Variants in ABHD17C observed in about 807,000 individuals in gnomAD.
The protein encoded by ABHD17C is abhydrolase domain containing 17C, depalmitoylase.
A neutral mutation model predicts 27.9 loss-of-function variants in ABHD17C; 11 were observed. The observed-to-expected ratio is 0.39, with a 90% CI of 0.25 to 0.65. The LOEUF (loss-of-function observed/expected upper bound fraction) is 0.65. Ranked by LOEUF, ABHD17C falls within the 30% of genes least tolerant of loss-of-function variation. The pLI is 0.45. For synonymous variants in ABHD17C, 233 were observed against 209.1 expected, an observed-to-expected ratio of 1.11 and a Z score of -0.98; for missense variants, 280 against 470.2, an observed-to-expected ratio of 0.60 and a Z score of 3.74.
chr15:80,749,711 A>G lies in ABHD17C; in HGVS notation c.770+19A>G. ...TCCCCAGGTAAGTTCATGCTTGTCC[A>G]ACAAGTGGTAAGTCAGCCAATGACT... On this transcript the variant is annotated intron_variant, in intron 2 of 2. Coordinates refer to ENST00000258884, the MANE Select transcript of ABHD17C (RefSeq NM_021214.2). 1 of 1,609,036 alleles carries G rather than the reference A, an allele frequency of 6.2e-7. No homozygotes were observed. Among genetic ancestry groups the G allele is most frequent in the South Asian group, 1.1e-5 (1 of 90,872 alleles).
At chr15:80,724,059 T>C (rs1201128096) in intron 1 of ABHD17C, among the ~76,000 whole-genome samples, 2 of 151,942 alleles carry the variant, frequency 1.3e-5, no homozygotes, top group Non-Finnish European at 2.9e-5. Flanking sequence ...AAAAATTAGC[T>C]GGGTGTGGTG....
chr15:80,695,616 ACCG>A lies in ABHD17C; in HGVS notation c.201_203del (p.Ala69del), dbSNP rs963211896. The A allele has an allele frequency of 3.4e-4, 397 of 1,165,838 alleles. No individual in the cohort carries two copies. Among genetic ancestry groups the A allele is most frequent in the East Asian group, 1.1e-3 (28 of 25,460 alleles). The allele number at this position is 1,165,838 out of a possible 1,614,324, so 72.2% of individuals were successfully genotyped here. ...GTCCGCCCCGGCCCCGGCCCAGGCT[ACCG>A]CCGCCGCCGCCGCGGCCCAGCCGGC... On this transcript the variant is annotated inframe_deletion, in exon 1 of 3. Coordinates refer to ENST00000258884, the MANE Select transcript of ABHD17C (RefSeq NM_021214.2). This position sits in a 1 kb window ranked among gnomAD's most constrained non-coding sequence, Gnocchi z 4.3.
rs1894978114 is a variant in ABHD17C at position 80,726,501 on chromosome 15, G to GTTTGTTTTTTTTTTTT, written c.591-23009_591-23008insGTTTTTTTTTTTTTTT. ...CCTTGGTTAATTGCTTCTTTTTCTG[G>GTTTGTTTTTTTTTTTT]TTTTTTTTTTTTTTTTTTTTTTTTT... On this transcript the variant is annotated intron_variant, in intron 1 of 2. Transcript: ENST00000258884. 1.2e-4 allele frequency among the ~76,000 whole-genome samples: 11 copies of GTTTGTTTTTTTTTTTT among 94,508 alleles called. 1 individual carries two copies. Among genetic ancestry groups the GTTTGTTTTTTTTTTTT allele is most frequent in the African/African-American group, 5.4e-4 (10 of 18,676 alleles). The allele number at this position is 94,508 out of a possible 152,430, so 62.0% of individuals were successfully genotyped here.
chr15:80,705,736 G>A (rs765154668), intron 1 of ABHD17C, among the ~76,000 whole-genome samples: 4 of 152,190 alleles, frequency 2.6e-5, no homozygotes, highest in African/African-American at 7.2e-5. Flanking sequence ...AACGGTAAAG[G>A]TGTTTTAGTT....
At chr15:80,717,271 A>AAAC (rs10644616) in intron 1 of ABHD17C, among the ~76,000 whole-genome samples, 139,008 of 145,274 alleles carry the variant, frequency 0.96, 66,629 homozygotes, top group East Asian at 0.99. Flanking sequence ...AAAAAAAAAA[A>AAAC]GAGTTTTGGC....
intron 1 of ABHD17C, among the ~76,000 whole-genome samples, chr15:80,730,673 C>T (rs1895045696): frequency 6.6e-6 from 1 of 152,098 alleles, no homozygotes; most frequent in African/African-American, 2.4e-5. Context: ...AACGTTGACT[C>T]GCAGGACAAA....
intron 1 of ABHD17C, among the ~76,000 whole-genome samples, chr15:80,699,106 T>C (rs34994596): frequency 0.3 from 45,211 of 152,050 alleles, 7,033 homozygotes; most frequent in African/African-American, 0.38. Flanking sequence ...AGGAGACCCT[T>C]TGTGTTCCCT....
At position 80,746,093 on chromosome 15, in the gene ABHD17C, A is replaced by G. The variant is rs1895279430; in HGVS notation, c.591-3420A>G. On this transcript the variant is annotated intron_variant, in intron 1 of 2. Coordinates refer to ENST00000258884, the MANE Select transcript of ABHD17C (RefSeq NM_021214.2). ...GAGCATTCTTGTACACATCCTTGCC[A>G]ACACTTAATATTGTTAGGCTTTTGA... 2.0e-5 allele frequency among the ~76,000 whole-genome samples: 3 copies of G among 152,246 alleles called. No individual in the cohort carries two copies. The South Asian group carries it at 6.2e-4, about 31-fold the overall frequency.
chr15:80,738,842 T>C (rs1024036923), intron 1 of ABHD17C, among the ~76,000 whole-genome samples: 5 of 152,000 alleles, frequency 3.3e-5, no homozygotes, highest in Admixed American at 2.0e-4. Flanking sequence ...GAACAAACAT[T>C]TTAGAGAGTC....
chr15:80,721,588 G>T (rs1040594081), intron 1 of ABHD17C, among the ~76,000 whole-genome samples: 3 of 152,196 alleles, frequency 2.0e-5, no homozygotes, highest in African/African-American at 7.2e-5. Flanking sequence ...TGCCGTAAAT[G>T]CTATCGTCAT....
chr15:80,719,733 A>G (rs944859302), intron 1 of ABHD17C, among the ~76,000 whole-genome samples: 5 of 152,146 alleles, frequency 3.3e-5, no homozygotes, highest in African/African-American at 4.8e-5. Flanking sequence ...CTATATATCT[A>G]ATTTCATCTT....
intron 1 of ABHD17C, among the ~76,000 whole-genome samples, chr15:80,711,994 T>A (rs1894734272): frequency 6.6e-6 from 1 of 152,188 alleles, no homozygotes; most frequent in Non-Finnish European, 1.5e-5. Flanking sequence ...TTTTCTGCAG[T>A]CGTCAGATGC....
intron 1 of ABHD17C, chr15:80,703,275 C>T (rs1042155844): frequency 6.6e-6 from 1 of 152,226 alleles, no homozygotes; most frequent in Non-Finnish European, 1.5e-5. Context: ...CCTGATCACC[C>T]GTTAAGGGTC....
chr15:80,699,801 A>G (rs1894546438), intron 1 of ABHD17C, among the ~76,000 whole-genome samples: 1 of 152,226 alleles, frequency 6.6e-6, no homozygotes, highest in Non-Finnish European at 1.5e-5. Context: ...AAACTCTTGA[A>G]AAGTTACTGA....
chr15:80,695,784 C>A lies in ABHD17C; in HGVS notation c.355C>A (p.Arg119=), dbSNP rs1894485893. The A allele has an allele frequency of 6.5e-7, 1 of 1,545,914 alleles. No individual in the cohort carries two copies. Among genetic ancestry groups the A allele is most frequent in the Non-Finnish European group, 8.7e-7 (1 of 1,153,628 alleles). The part of the protein sequence containing the change: ...VFFSRTARDN[R]LGCMFVRCAP... Reference sequence around the variant, plus strand: ...CTTCTCGCGCACGGCCCGGGACAACCGGCTCGGCTGCATGTTCGTGCGCTG... The same window carrying A: ...CTTCTCGCGCACGGCCCGGGACAACAGGCTCGGCTGCATGTTCGTGCGCTG... Residue 119 remains arginine (R), a synonymous_variant, in exon 1 of 3, where the codon CGG becomes AGG. Coordinates refer to ENST00000258884, the MANE Select transcript of ABHD17C (RefSeq NM_021214.2). This position sits in a 1 kb window ranked among gnomAD's most constrained non-coding sequence, Gnocchi z 4.3.
At chr15:80,711,637 T>G (rs1894730039) in intron 1 of ABHD17C, among the ~76,000 whole-genome samples, 1 of 152,194 alleles carries the variant, frequency 6.6e-6, no homozygotes, top group Non-Finnish European at 1.5e-5. Context: ...CAGGATTAAG[T>G]GTGGTGAAGA....
Position 80,754,073 on chromosome 15 carries a change from T to C in ABHD17C, c.771-78T>C. On this transcript the variant is annotated intron_variant, in intron 2 of 2. Transcript: ENST00000258884. ...CCTGCCTGTGGAGATTATTAACTTA[T>C]CATTAAATGTGATGTGTATTATCTG... The C allele has an allele frequency of 5.3e-6, 6 of 1,131,562 alleles. No individual in the cohort carries two copies. The Admixed American group carries it at 1.0e-4, about 19-fold the overall frequency. The allele number at this position is 1,131,562 out of a possible 1,614,324, so 70.1% of individuals were successfully genotyped here.
intron 1 of ABHD17C, among the ~76,000 whole-genome samples, chr15:80,745,392 T>C (rs1253074682): frequency 1.6e-5 from 1 of 62,394 alleles, no homozygotes; most frequent in East Asian, 2.2e-4. Context: ...CCTAACAGCA[T>C]TTTTTTTTTT....
intron 1 of ABHD17C, among the ~76,000 whole-genome samples, chr15:80,705,367 G>GTGTGTGTGTGTGTGTGTGTGT (rs57722326): frequency 9.7e-4 from 145 of 150,164 alleles, no homozygotes; most frequent in Middle Eastern, 3.4e-3. Flanking sequence ...GTGTGTGTGT[G>GTGTGTGTGTGTGTGTGTGTGT]GTTAGGAGCA....
Sources: allele counts gnomAD v4.1 joint callset (sites outside exome capture counted in the v4.1 genomes callset), GRCh38; gene constraint gnomAD v4.1.1; non-coding constraint Gnocchi (gnomAD v3.1); transcripts MANE v1.5; gene names NCBI Gene and HGNC (gene_info 2026-07-23, HGNC 2026-07-21).